The following ZNF326 variants were observed in gnomAD, a reference collection of about 807,000 sequenced individuals.
The protein encoded by ZNF326 is zinc finger protein 326.
In ZNF326, 30 loss-of-function variants were observed where a neutral mutation model predicts 63.1. The observed-to-expected ratio is 0.48, with a 90% CI of 0.36 to 0.64. ZNF326 has a LOEUF of 0.64. Ranked by LOEUF, ZNF326 falls within the 30% of genes least tolerant of loss-of-function variation. ZNF326 has a pLI of 0.00. For synonymous variants in ZNF326, 194 were observed against 228.2 expected, an observed-to-expected ratio of 0.85 and a Z score of 1.35; for missense variants, 609 against 720.3, an observed-to-expected ratio of 0.85 and a Z score of 1.77.
Position 90,005,174 on chromosome 1 carries a change from A to G in ZNF326, c.139A>G (p.Arg47Gly). 6.2e-7 allele frequency: 1 copy of G among 1,614,028 alleles called. No individual in the cohort carries two copies. The highest frequency in any genetic ancestry group is 8.5e-7 in the Non-Finnish European group (1 of 1,179,972). Residue 47 changes from arginine to glycine, a missense_variant, in exon 4 of 12, where the codon AGA becomes GGA. Arg to Gly is a moderately radical substitution (Grantham distance 125). Coordinates refer to ENST00000340281, the MANE Select transcript of ZNF326 (RefSeq NM_182976.4). ...DYGHGSYGGQRSMDSYLNQSY... is the reference protein window; with the variant it reads ...DYGHGSYGGQGSMDSYLNQSY... ...TGGCCATGGATCCTATGGGGGTCAG[A>G]GATCCATGGATTCCTACCTAAACCA...
intron 2 of ZNF326, among the ~76,000 whole-genome samples, chr1:90,003,719 A>G (rs530596119): frequency 6.6e-6 from 1 of 152,218 alleles, no homozygotes; most frequent in Non-Finnish European, 1.5e-5. Flanking sequence ...ATGAGACTAG[A>G]CAAGAGGATA....
chr1:90,023,388 G>T (rs1474066007), intron 11 of ZNF326, among the ~76,000 whole-genome samples: 2 of 152,196 alleles, frequency 1.3e-5, no homozygotes, highest in African/African-American at 2.4e-5. Flanking sequence ...CAGCTACTCT[G>T]TGAAGAAAAC....
intron 2 of ZNF326, among the ~76,000 whole-genome samples, chr1:90,001,559 T>C (rs1557515803): frequency 6.6e-6 from 1 of 151,262 alleles, no homozygotes; most frequent in African/African-American, 2.4e-5. Flanking sequence ...TTTTTAATTT[T>C]TTTTTTTTTT....
At chr1:90,006,207 A>T in intron 4 of ZNF326, 1 of 985,376 alleles carries the variant, frequency 1.0e-6, no homozygotes, top group African/African-American at 1.7e-5. Flanking sequence ...TATGTGATAG[A>T]TGTTTTGAAA....
intron 2 of ZNF326, among the ~76,000 whole-genome samples, chr1:90,003,976 A>T (rs1462175191): frequency 6.6e-6 from 1 of 152,146 alleles, no homozygotes; most frequent in Non-Finnish European, 1.5e-5. Context: ...GTACTATTGT[A>T]TTTATTTGTG....
At chr1:90,001,587 CTT>C (rs1648684500) in intron 2 of ZNF326, among the ~76,000 whole-genome samples, 1 of 143,744 alleles carries the variant, frequency 7.0e-6, no homozygotes, top group Non-Finnish European at 1.5e-5. Flanking sequence ...GAGTTTCTCT[CTT>C]GTCGCCCAGG....
rs77579211 is a variant in ZNF326, at chr1:90,030,362, A to G, written c.*2661A>G. On this transcript the variant is annotated 3_prime_UTR_variant, in exon 12 of 12. Transcript: ENST00000340281. ...ATGCTTTTTTTTTTTTTGTACCTAT[A>G]CAGTTAGAACTCCTTATCATGTTGA... 1.4e-3 allele frequency: 214 copies of G among 150,326 alleles called. 3 individuals carry two copies. The highest frequency in any genetic ancestry group is 5.2e-3 in the African/African-American group (210 of 40,660). 9.3% of individuals were successfully genotyped at this position (150,326 alleles called of 1,614,324 possible). A position where few individuals can be genotyped will look rare whatever the true frequency, so the allele number is the denominator to read the frequency against.
rs528864644 is a variant in ZNF326 at position 90,028,985 on chromosome 1, G to A, written c.*1284G>A. The A allele has an allele frequency of 3.3e-5, 5 of 151,762 alleles. No individual in the cohort carries two copies. Among genetic ancestry groups the A allele is most frequent in the South Asian group, 4.2e-4 (2 of 4,778 alleles). 9.4% of individuals were successfully genotyped at this position (151,762 alleles called of 1,614,324 possible). A position where few individuals can be genotyped will look rare whatever the true frequency, so the allele number is the denominator to read the frequency against. On this transcript the variant is annotated 3_prime_UTR_variant, in exon 12 of 12. Coordinates refer to ENST00000340281, the MANE Select transcript of ZNF326 (RefSeq NM_182976.4). Reference sequence around the variant, plus strand: ...TGCCCAGCTAATTTTTGTAGTTTTTGTAGAGACAGGGTTTTACCATGTTGT... The same window carrying A: ...TGCCCAGCTAATTTTTGTAGTTTTTATAGAGACAGGGTTTTACCATGTTGT...
chr1:90,008,352 GGTT>G (rs2101065337), intron 5 of ZNF326, among the ~76,000 whole-genome samples: 1 of 152,280 alleles, frequency 6.6e-6, no homozygotes, highest in African/African-American at 2.4e-5. Flanking sequence ...TCCAGTTGCT[GGTT>G]GTTTTATTTT....
At chr1:90,002,554 A>G (rs1648736685) in intron 2 of ZNF326, among the ~76,000 whole-genome samples, 1 of 152,200 alleles carries the variant, frequency 6.6e-6, no homozygotes, top group African/African-American at 2.4e-5. Context: ...TATGAGCATA[A>G]ATTTTACTAT....
intron 2 of ZNF326, among the ~76,000 whole-genome samples, chr1:90,002,368 T>G (rs1648728178): frequency 6.6e-6 from 1 of 152,180 alleles, no homozygotes; most frequent in Middle Eastern, 3.2e-3. Flanking sequence ...ACTAAAGGTT[T>G]TAATATTCAA....
chr1:90,024,982 T>G (rs1203722737), intron 11 of ZNF326, among the ~76,000 whole-genome samples: 2 of 129,352 alleles, frequency 1.5e-5, no homozygotes, highest in African/African-American at 6.1e-5. Flanking sequence ...TTTTTCCTGT[T>G]TTTTTTTTTT....
At chr1:90,011,245 T>TA (rs1040003088) in intron 6 of ZNF326, among the ~76,000 whole-genome samples, 2 of 152,164 alleles carry the variant, frequency 1.3e-5, no homozygotes, top group African/African-American at 4.8e-5. Flanking sequence ...CTGTCAGGTG[T>TA]AAAATGGGCA....
chr1:90,022,036 CTGAG>C (rs1468190261), intron 10 of ZNF326, among the ~76,000 whole-genome samples: 1 of 151,982 alleles, frequency 6.6e-6, no homozygotes, highest in Non-Finnish European at 1.5e-5. Flanking sequence ...ATTTGTGGGA[CTGAG>C]TGTTTTCTTT....
intron 2 of ZNF326, among the ~76,000 whole-genome samples, chr1:90,003,158 T>C (rs945330652): frequency 6.7e-6 from 1 of 148,912 alleles, no homozygotes; most frequent in African/African-American, 2.5e-5. Flanking sequence ...TTGAGACGGG[T>C]CTCACTCTGT....
Position 89,995,219 on chromosome 1 carries a change from G to C in ZNF326, c.-39G>C. The C allele has an allele frequency of 6.5e-7, 1 of 1,538,602 alleles. No homozygotes were observed. Among genetic ancestry groups the C allele is most frequent in the Non-Finnish European group, 8.7e-7 (1 of 1,145,360 alleles). On this transcript the variant is annotated 5_prime_UTR_variant, in exon 1 of 12. Transcript: ENST00000340281. ...GACGCTCGCCGCCGGCCATAGCTCA[G>C]CCTAGCGCCGCCAAGGCCGACGGCC...
In ZNF326 at chr1:90,030,767, G is replaced by A. The variant is rs373204872; in HGVS notation, c.*3066G>A. 6.6e-5 allele frequency: 10 copies of A among 151,910 alleles called. No individual in the cohort carries two copies. Among genetic ancestry groups the A allele is most frequent in the Admixed American group, 2.0e-4 (3 of 15,232 alleles). The allele number at this position is 151,910 out of a possible 1,614,324, so 9.4% of individuals were successfully genotyped here. On this transcript the variant is annotated 3_prime_UTR_variant, in exon 12 of 12. Coordinates refer to ENST00000340281, the MANE Select transcript of ZNF326 (RefSeq NM_182976.4). ...TGCAGCTTTGACCTCCTGGGCTCAAGCGGTCGTCCCGCCTTAGCCTCCCAA... is the reference window on the plus strand; with the variant it reads ...TGCAGCTTTGACCTCCTGGGCTCAAACGGTCGTCCCGCCTTAGCCTCCCAA...
chr1:90,026,372 C>G (rs113179431), intron 11 of ZNF326, among the ~76,000 whole-genome samples: 1 of 152,078 alleles, frequency 6.6e-6, no homozygotes, highest in African/African-American at 2.4e-5. Flanking sequence ...CATTTAAGAC[C>G]CTGGCTTCAC....
intron 11 of ZNF326, 80 bp downstream of exon 11, chr1:90,022,425 A>T: frequency 1.0e-6 from 1 of 976,432 alleles, no homozygotes; most frequent in Non-Finnish European, 1.6e-6. Flanking sequence ...ACCTTTTGTG[A>T]TACTTGAATA....
Sources: allele counts gnomAD v4.1 joint callset (sites outside exome capture counted in the v4.1 genomes callset), GRCh38; gene constraint gnomAD v4.1.1; transcripts MANE v1.5; gene names NCBI Gene and HGNC (gene_info 2026-07-23, HGNC 2026-07-21).